The following NEK1 variants were observed in gnomAD, a reference collection of about 807,000 sequenced individuals.
NEK1 encodes the protein serine/threonine-protein kinase Nek1.
A neutral mutation model predicts 182.1 loss-of-function variants in NEK1; 137 were observed. The ratio of observed to expected loss-of-function variants is 0.75; its 90% CI spans 0.65 to 0.87. The LOEUF (loss-of-function observed/expected upper bound fraction) is 0.87, where lower values mean the gene tolerates loss of function less well. NEK1 is among the 40% of genes least tolerant of loss of function. NEK1 has a pLI of 0.00. For missense variants in NEK1, 1,391 were observed against 1,494.4 expected, an observed-to-expected ratio of 0.93 and a Z score of 1.14; for synonymous variants, 513 against 492.2, an observed-to-expected ratio of 1.04 and a Z score of -0.56.
intron 19 of NEK1, among the ~76,000 whole-genome samples, chr4:169,536,749 T>C (rs2149810467): frequency 6.6e-6 from 1 of 152,264 alleles, no homozygotes; most frequent in South Asian, 2.1e-4. Context: ...GCCTACCAAT[T>C]CTTTTAAAAA....
At chr4:169,592,834 T>C (rs1768771465) in intron 5 of NEK1, among the ~76,000 whole-genome samples, 2 of 152,124 alleles carry the variant, frequency 1.3e-5, no homozygotes, top group South Asian at 2.1e-4. Flanking sequence ...AAGGAGTCCG[T>C]ACAGTGATAA....
chr4:169,555,441 A>T (rs952563278), intron 18 of NEK1: 2 of 360,218 alleles, frequency 5.6e-6, no homozygotes, highest in East Asian at 1.3e-4. Flanking sequence ...ATAAAATGTT[A>T]TAATTATGTT....
chr4:169,530,051 C>T (rs754172450), intron 19 of NEK1, among the ~76,000 whole-genome samples: 77 of 152,212 alleles, frequency 5.1e-4, no homozygotes, highest in Non-Finnish European at 9.4e-4. Flanking sequence ...GGGTATTTAT[C>T]CTATGGAAAT....
intron 31 of NEK1, among the ~76,000 whole-genome samples, chr4:169,423,980 G>A (rs1470877781): frequency 6.6e-6 from 1 of 151,992 alleles, no homozygotes; most frequent in Non-Finnish European, 1.5e-5. Context: ...TCTTATTTTG[G>A]TAAAAAGTTA....
chr4:169,497,012 C>T (rs1357236023), intron 23 of NEK1, among the ~76,000 whole-genome samples: 2 of 151,994 alleles, frequency 1.3e-5, no homozygotes, highest in Admixed American at 6.6e-5. Flanking sequence ...TGGTAGAATT[C>T]GGCTGTGAAT....
chr4:169,585,646 A>C (rs775083480), intron 9 of NEK1, 97 bp from the exon 10 acceptor site: 25 of 712,436 alleles, frequency 3.5e-5, no homozygotes, highest in Non-Finnish European at 5.3e-5. Context: ...CCAATATAGA[A>C]TAGAAACACA....
At chr4:169,445,865 T>TATACACACACACAC (rs569539235) in intron 27 of NEK1, among the ~76,000 whole-genome samples, 116 of 143,276 alleles carry the variant, frequency 8.1e-4, no homozygotes, top group African/African-American at 1.4e-3. Context: ...TATATATATA[T>TATACACACACACAC]ACACACACAC....
Position 169,555,702 on chromosome 4 carries a change from G to T in NEK1, c.1562+18C>A. The T allele has an allele frequency of 6.2e-7, 1 of 1,613,562 alleles. No homozygotes were observed. Among genetic ancestry groups the T allele is most frequent in the South Asian group, 1.1e-5 (1 of 91,018 alleles). ...AAATTACACACATGGATGAATTCAT[G>T]GATCATCACAGTCCAACCTGTTTGC... On this transcript the variant is annotated intron_variant, in intron 18 of 35. Coordinates refer to ENST00000507142, the MANE Select transcript of NEK1 (RefSeq NM_001199397.3).
At position 169,406,597 on chromosome 4, in the gene NEK1, T is replaced by C; in HGVS notation, c.3373A>G (p.Ile1125Val). The change falls in exon 32 of 36, where the codon ATT (isoleucine) becomes GTT (valine). Residue 1125 changes from isoleucine (I) to valine (V), a missense_variant and splice_region_variant. Physicochemically the swap from Ile to Val is conservative, Grantham distance 29. Around this residue, in one of 5 missense-constraint regions of NEK1, gnomAD observed 1,216 missense variants for 1,277.6 expected, o/e 0.95. Coordinates refer to ENST00000507142, the MANE Select transcript of NEK1 (RefSeq NM_001199397.3). ...GTTTACTAATGACATTATACTTACA[T>C]GTCTTCAGAATCAGAAGGTCCTTCT... ...IKEGPSDSED[I>V]VFEETDTDLQ... The C allele has an allele frequency of 6.3e-7, 1 of 1,592,688 alleles. No homozygotes were observed. The highest frequency in any genetic ancestry group is 8.5e-7 in the Non-Finnish European group (1 of 1,169,996).
chr4:169,409,593 ACT>A (rs1733293473), intron 31 of NEK1, among the ~76,000 whole-genome samples: 1 of 151,916 alleles, frequency 6.6e-6, no homozygotes, highest in African/African-American at 2.4e-5. Context: ...ACATGGTGAA[ACT>A]CTGTCTCTAT....
At chr4:169,486,377 C>T (rs925620206) in intron 23 of NEK1, among the ~76,000 whole-genome samples, 16 of 152,250 alleles carry the variant, frequency 1.1e-4, no homozygotes, top group Middle Eastern at 6.8e-3. Context: ...AATAGTGAGG[C>T]GAGGCTTACA....
intron 32 of NEK1, among the ~76,000 whole-genome samples, chr4:169,406,261 T>G (rs1022318071): frequency 6.6e-6 from 1 of 152,066 alleles, no homozygotes; most frequent in African/African-American, 2.4e-5. Flanking sequence ...ACCCTGTCTC[T>G]TAAAATAGAT....
Position 169,479,508 on chromosome 4 carries a change from A to C in NEK1, c.2034T>G (p.Ser678=). ...GCTGTCCCAAAGGTGGAGAAACATC[A>C]GAACTCTTAACTCCTTTAGCCACCA... ...EHLVAKGVKS[S]DVSPPLGQHE... The change falls in exon 24 of 36, where the codon TCT becomes TCG. Residue 678 remains serine, a synonymous_variant. Coordinates refer to ENST00000507142, the MANE Select transcript of NEK1 (RefSeq NM_001199397.3). 6.2e-7 allele frequency: 1 copy of C among 1,609,586 alleles called. No individual in the cohort carries two copies.
Position 169,602,047 on chromosome 4 carries a change from T to A in NEK1, c.175A>T (p.Lys59Ter), listed in dbSNP as rs1770588685. Residue 59 changes from lysine (K) to a stop codon, truncating the protein, a stop_gained, in exon 4 of 36, where the codon AAG becomes TAG. Coordinates refer to ENST00000507142, the MANE Select transcript of NEK1 (RefSeq NM_001199397.3). LOFTEE classifies it high-confidence loss of function. ...RREVAVLANM[K>*]HPNIVQYRES... ...CTATACTGGACAATATTTGGATGCT[T>A]CATGTTTGCCAATACTGCAACTTCT... 6.2e-7 allele frequency: 1 copy of A among 1,613,318 alleles called. No individual in the cohort carries two copies. The highest frequency in any genetic ancestry group is 8.5e-7 in the Non-Finnish European group (1 of 1,179,504).
At chr4:169,486,126 T>C (rs545014435) in intron 23 of NEK1, among the ~76,000 whole-genome samples, 1 of 152,246 alleles carries the variant, frequency 6.6e-6, no homozygotes, top group Admixed American at 6.5e-5. Context: ...AAAAAAAAGA[T>C]AAAACATTGA....
intron 27 of NEK1, among the ~76,000 whole-genome samples, chr4:169,449,409 C>T (rs1741271319): frequency 6.6e-6 from 1 of 152,174 alleles, no homozygotes; most frequent in African/African-American, 2.4e-5. Context: ...CCAGTAGGGG[C>T]TGACTGACAC....
At position 169,507,129 on chromosome 4, in the gene NEK1, G is replaced by A; in HGVS notation, c.1915C>T (p.His639Tyr). The A allele has an allele frequency of 6.3e-7, 1 of 1,585,888 alleles. No homozygotes were observed. The highest frequency in any genetic ancestry group is 8.6e-7 in the Non-Finnish European group (1 of 1,167,286). ...AGTACAGCAGCACGTGCATTTGCATGGGCCTAAAAATAAAAACAATTAACA... is the reference window on the plus strand; with the variant it reads ...AGTACAGCAGCACGTGCATTTGCATAGGCCTAAAAATAAAAACAATTAACA... ...RRKKIESLKA[H>Y]ANARAAVLKE... Residue 639 changes from histidine (H) to tyrosine (Y), a missense_variant, in exon 23 of 36, where the codon CAT (histidine) becomes TAT (tyrosine). His to Tyr is a moderately conservative substitution (Grantham distance 83, BLOSUM62 2). Coordinates refer to ENST00000507142, the MANE Select transcript of NEK1 (RefSeq NM_001199397.3).
At chr4:169,513,831 T>C (rs77509980) in intron 19 of NEK1, among the ~76,000 whole-genome samples, 13 of 152,296 alleles carry the variant, frequency 8.5e-5, no homozygotes, top group Non-Finnish European at 1.6e-4. Context: ...TGTAATCATA[T>C]GAATTTCCTT....
At chr4:169,553,817 A>G (rs547014591) in intron 18 of NEK1, among the ~76,000 whole-genome samples, 10 of 152,356 alleles carry the variant, frequency 6.6e-5, no homozygotes, top group African/African-American at 2.4e-4. Context: ...TAAATTGGCC[A>G]AAATCCGAAA....
Sources: allele counts gnomAD v4.1 joint callset (sites outside exome capture counted in the v4.1 genomes callset), GRCh38; gene constraint gnomAD v4.1.1; regional missense constraint gnomAD v4.1.1; transcripts MANE v1.5; gene names NCBI Gene and HGNC (gene_info 2026-07-23, HGNC 2026-07-21).